Variants in PCGF5 observed in about 807,000 individuals in gnomAD.
PCGF5 encodes the protein polycomb group ring finger 5.
A neutral mutation model predicts 44.3 loss-of-function variants in PCGF5; 9 were observed. The observed-to-expected ratio is 0.20, with a 90% CI of 0.12 to 0.35. PCGF5 has a LOEUF of 0.35. PCGF5 is among the 10% of genes least tolerant of loss of function. The pLI, the probability that PCGF5 is intolerant of heterozygous loss-of-function variation, is 1.00. For synonymous variants in PCGF5, 95 were observed against 102.5 expected (o/e 0.93, Z 0.44); for missense variants, 146 against 305.3 (o/e 0.48, Z 3.89).
chr10:91,253,107 A>C (rs183595213), intron 6 of PCGF5, among the ~76,000 whole-genome samples: 10 of 151,982 alleles, frequency 6.6e-5, no homozygotes, highest in Non-Finnish European at 1.5e-5. Context: ...ATATGTAAGT[A>C]TGTCCTAATA....
intron 8 of PCGF5, among the ~76,000 whole-genome samples, chr10:91,265,093 A>G (rs1325708547): frequency 6.6e-6 from 1 of 152,154 alleles, no homozygotes; most frequent in African/African-American, 2.4e-5. Flanking sequence ...AAAACCAAAG[A>G]AAACCCAAAA....
At chr10:91,207,807 C>T (rs562436602) in intron 1 of PCGF5, among the ~76,000 whole-genome samples, 1 of 152,096 alleles carries the variant, frequency 6.6e-6, no homozygotes, top group Admixed American at 6.6e-5. Flanking sequence ...TGATTATAGT[C>T]AGGATAGACA....
rs532023872 is a variant in PCGF5, at chr10:91,280,440, A to C, written c.*2124A>C. 3 of 152,590 alleles carry C rather than the reference A, an allele frequency of 2.0e-5. 1 individual carries two copies. The South Asian group carries it at 6.2e-4, about 32-fold the overall frequency. 9.5% of individuals were successfully genotyped at this position (152,590 alleles called of 1,614,324 possible). The stretch of plus-strand genomic sequence containing the variant: ...GTCATATGTAATTTCACTATTTTCC[A>C]AGGAAATATATAGGAAGCAATTATG... On this transcript the variant is annotated 3_prime_UTR_variant, in exon 10 of 10. Coordinates refer to ENST00000336126, the MANE Select transcript of PCGF5 (RefSeq NM_032373.5).
chr10:91,168,487 A>G (rs1843540399), intron 1 of PCGF5, among the ~76,000 whole-genome samples: 1 of 152,160 alleles, frequency 6.6e-6, no homozygotes, highest in Non-Finnish European at 1.5e-5. Context: ...ATTAGTGGGG[A>G]CAAGTCCGCT....
intron 1 of PCGF5, among the ~76,000 whole-genome samples, chr10:91,184,797 A>C (rs1425940080): frequency 6.6e-6 from 1 of 152,024 alleles, no homozygotes; most frequent in Non-Finnish European, 1.5e-5. Flanking sequence ...GGTCTGCTCC[A>C]GTCCCTAGTG....
intron 1 of PCGF5, among the ~76,000 whole-genome samples, chr10:91,202,862 C>T (rs1322710303): frequency 6.6e-6 from 1 of 152,120 alleles, no homozygotes; most frequent in Non-Finnish European, 1.5e-5. Context: ...TTAGATCATT[C>T]TTTGCTTAAA....
intron 3 of PCGF5, among the ~76,000 whole-genome samples, chr10:91,247,211 G>A (rs935013913): frequency 6.6e-6 from 1 of 151,778 alleles, no homozygotes; most frequent in African/African-American, 2.4e-5. Flanking sequence ...GAAATTTTCA[G>A]GGAGGCAGGC....
At chr10:91,243,151 A>G (rs1250707870) in intron 3 of PCGF5, among the ~76,000 whole-genome samples, 1 of 152,228 alleles carries the variant, frequency 6.6e-6, no homozygotes, top group Non-Finnish European at 1.5e-5. Flanking sequence ...GGTGATGGTG[A>G]TAGTTGAGCG....
At chr10:91,219,454 AAGT>A (rs1442160756), upstream of PCGF5, among the ~76,000 whole-genome samples, 14 of 152,312 alleles carry the variant, frequency 9.2e-5, no homozygotes, top group Admixed American at 9.1e-4. Flanking sequence ...AACACACTAG[AAGT>A]AGTGTGATTT....
At chr10:91,223,014 C>A in intron 2 of PCGF5, 31 bp downstream of exon 2, 2 of 1,369,548 alleles carry the variant, frequency 1.5e-6, no homozygotes, top group Non-Finnish European at 2.1e-6. Context: ...TTATACCTAT[C>A]AAAGTTTATA....
chr10:91,185,855 A>G (rs1843914185), intron 1 of PCGF5, among the ~76,000 whole-genome samples: 1 of 151,676 alleles, frequency 6.6e-6, no homozygotes, highest in South Asian at 2.1e-4. Context: ...CTGGTGGGCC[A>G]TCATTTTGCC....
At chr10:91,177,057 A>G (rs2133181716) in intron 1 of PCGF5, among the ~76,000 whole-genome samples, 1 of 152,166 alleles carries the variant, frequency 6.6e-6, no homozygotes, top group East Asian at 1.9e-4. Context: ...TTGGTCTTTG[A>G]TGATGGTGAC....
chr10:91,200,393 A>T (rs1283786745), intron 1 of PCGF5, among the ~76,000 whole-genome samples: 1 of 152,156 alleles, frequency 6.6e-6, no homozygotes, highest in Admixed American at 6.5e-5. Flanking sequence ...TAGTTAAGAG[A>T]GAGTGAGGGT....
At chr10:91,191,373 A>G (rs1844031075) in intron 1 of PCGF5, among the ~76,000 whole-genome samples, 1 of 152,186 alleles carries the variant, frequency 6.6e-6, no homozygotes, top group Non-Finnish European at 1.5e-5. Context: ...TACACTGGAC[A>G]AAGGGATGAT....
chr10:91,193,380 T>C (rs1844069488), intron 1 of PCGF5, among the ~76,000 whole-genome samples: 1 of 152,070 alleles, frequency 6.6e-6, no homozygotes. Flanking sequence ...GTGGGTATTG[T>C]TTTTAAGCTA....
chr10:91,179,142 A>C (rs7069106), intron 1 of PCGF5, among the ~76,000 whole-genome samples: 141,414 of 152,220 alleles, frequency 0.93, 65,778 homozygotes, highest in African/African-American at 0.97. Context: ...CTTTTGTATT[A>C]TTCCCATCCT....
At chr10:91,170,324 T>A (rs977252330) in intron 1 of PCGF5, among the ~76,000 whole-genome samples, 8 of 152,038 alleles carry the variant, frequency 5.3e-5, no homozygotes, top group Admixed American at 5.2e-4. Context: ...GTCAAGAGAA[T>A]AAAAAGATGA....
chr10:91,220,303 GC>G (rs925930135), upstream of PCGF5: 1 of 152,190 alleles, frequency 6.6e-6, no homozygotes, highest in African/African-American at 2.4e-5. Context: ...TGGGGAAGAC[GC>G]AGCTGAAGAG....
rs1217596858 is a variant in PCGF5, at chr10:91,279,849, A to G, written c.*1533A>G. ...AGAAATCAATGCCTTCTGAATTTCAAAATGATTCTTAGAAATAAGATATTG... is the reference window on the plus strand; with the variant it reads ...AGAAATCAATGCCTTCTGAATTTCAGAATGATTCTTAGAAATAAGATATTG... On this transcript the variant is annotated 3_prime_UTR_variant, in exon 10 of 10. Coordinates refer to ENST00000336126, the MANE Select transcript of PCGF5 (RefSeq NM_032373.5). 6.6e-6 allele frequency: 1 copy of G among 152,136 alleles called. No individual in the cohort carries two copies. The highest frequency in any genetic ancestry group is 2.4e-5 in the African/African-American group (1 of 41,466). The allele number at this position is 152,136 out of a possible 1,614,324, so 9.4% of individuals were successfully genotyped here.
Sources: allele counts gnomAD v4.1 joint callset (sites outside exome capture counted in the v4.1 genomes callset), GRCh38; gene constraint gnomAD v4.1.1; transcripts MANE v1.5; gene names NCBI Gene and HGNC (gene_info 2026-07-23, HGNC 2026-07-21).